The following ELF5 variants were observed in gnomAD, a reference collection of about 807,000 sequenced individuals.
ELF5 encodes the protein E74 like ETS transcription factor 5, also known as ETS-related transcription factor Elf-5.
A neutral mutation model predicts 38.2 loss-of-function variants in ELF5; 31 were observed. That is an observed-to-expected ratio of 0.81 (90% CI 0.61 to 1.10). ELF5 has a LOEUF of 1.10. ELF5 is among the 50% of genes least tolerant of loss of function. The pLI, the probability that ELF5 is intolerant of heterozygous loss-of-function variation, is 0.00. For synonymous variants in ELF5, 121 were observed against 112.5 expected, an observed-to-expected ratio of 1.08 and a Z score of -0.48; for missense variants, 300 against 306.6, an observed-to-expected ratio of 0.98 and a Z score of 0.16.
intron 2 of ELF5, among the ~76,000 whole-genome samples, chr11:34,497,838 C>T (rs998819603): frequency 6.6e-6 from 1 of 152,212 alleles, no homozygotes; most frequent in Non-Finnish European, 1.5e-5. Context: ...TCACTCCTGG[C>T]CATCACTTTG....
chr11:34,508,941 G>C (rs896804753), intron 1 of ELF5, among the ~76,000 whole-genome samples: 3 of 152,162 alleles, frequency 2.0e-5, no homozygotes, highest in African/African-American at 7.2e-5. Flanking sequence ...TCAAACCTCA[G>C]TACTAAGAGG....
In ELF5 at chr11:34,482,493, T is replaced by A. The variant is rs1856965032; in HGVS notation, c.413A>T (p.Asp138Val). Reference sequence around the variant, plus strand: ...GCCACTTGTTTTCAAGCAGTTGGAATCAGCATCTGAAATAGAATAATTTAT... The same window carrying A: ...GCCACTTGTTTTCAAGCAGTTGGAAACAGCATCTGAAATAGAATAATTTAT... The part of the protein sequence containing the change: ...ESKATIKDYA[D>V]SNCLKTSGIK... Residue 138 changes from aspartate (D) to valine (V), a missense_variant, in exon 5 of 7, where the codon GAT becomes GTT. Physicochemically the swap from Asp to Val is radical, Grantham distance 152 (BLOSUM62 -3). Transcript: ENST00000257832. 1 of 1,612,648 alleles carries A rather than the reference T, an allele frequency of 6.2e-7. No individual in the cohort carries two copies. Among genetic ancestry groups the A allele is most frequent in the Admixed American group, 1.7e-5 (1 of 59,778 alleles).
intron 2 of ELF5, 118 bp from the exon 3 acceptor site, chr11:34,493,830 C>T: frequency 1.2e-6 from 1 of 849,150 alleles, no homozygotes; most frequent in Non-Finnish European, 1.8e-6. Flanking sequence ...GTTGAAAGGG[C>T]CTCCAGCCCT....
intron 4 of ELF5, among the ~76,000 whole-genome samples, chr11:34,488,654 C>T (rs1161931668): frequency 6.6e-6 from 1 of 152,226 alleles, no homozygotes; most frequent in African/African-American, 2.4e-5. Flanking sequence ...TTCAAAAGAA[C>T]TTACTGGACA....
intron 3 of ELF5, chr11:34,491,816 T>A (rs1479109066): frequency 6.6e-6 from 1 of 152,210 alleles, no homozygotes; most frequent in Non-Finnish European, 1.5e-5. Flanking sequence ...CCTTAGATGA[T>A]CTGCCTGCCT....
chr11:34,486,144 C>T (rs963224370), intron 4 of ELF5, among the ~76,000 whole-genome samples: 2 of 152,110 alleles, frequency 1.3e-5, no homozygotes, highest in Non-Finnish European at 1.5e-5. Flanking sequence ...ACAAGTTTAT[C>T]GTATCCCCAT....
intron 4 of ELF5, among the ~76,000 whole-genome samples, chr11:34,484,986 G>T (rs1849948078): frequency 6.6e-6 from 1 of 152,100 alleles, no homozygotes; most frequent in African/African-American, 2.4e-5. Flanking sequence ...GAGTTCCTTG[G>T]TATCACAACA....
intron 4 of ELF5, among the ~76,000 whole-genome samples, chr11:34,483,231 C>T (rs1856980754): frequency 6.6e-6 from 1 of 152,030 alleles, no homozygotes; most frequent in Non-Finnish European, 1.5e-5. Flanking sequence ...TTCAAAATCA[C>T]CTTCCAGTGA....
intron 2 of ELF5, among the ~76,000 whole-genome samples, chr11:34,495,939 T>G (rs1418865312): frequency 6.6e-6 from 1 of 152,256 alleles, no homozygotes; most frequent in African/African-American, 2.4e-5. Flanking sequence ...GAGAGATGTT[T>G]ATGAGCCTTG....
chr11:34,486,981 C>T (rs532745199), intron 4 of ELF5, among the ~76,000 whole-genome samples: 2 of 152,312 alleles, frequency 1.3e-5, no homozygotes, highest in South Asian at 2.1e-4. Context: ...CAGGAAACAT[C>T]ACCTGAGCCA....
intron 4 of ELF5, among the ~76,000 whole-genome samples, chr11:34,483,708 ATAT>A (rs1856994225): frequency 6.6e-6 from 1 of 151,922 alleles, no homozygotes; most frequent in Non-Finnish European, 1.5e-5. Context: ...GTACCATGCT[ATAT>A]TAACTATGCT....
At chr11:34,506,041 T>C (rs1850607387) in intron 1 of ELF5, among the ~76,000 whole-genome samples, 1 of 152,220 alleles carries the variant, frequency 6.6e-6, no homozygotes, top group Non-Finnish European at 1.5e-5. Flanking sequence ...ATGGAGGCTC[T>C]GATTATGCAA....
intron 3 of ELF5, 34 bp downstream of exon 3, chr11:34,493,445 C>T (rs754444171): frequency 1.9e-6 from 3 of 1,593,946 alleles, no homozygotes; most frequent in South Asian, 1.1e-5. Flanking sequence ...AATCCTGGTC[C>T]CTCCCCTGGA....
chr11:34,493,833 C>T, intron 2 of ELF5, 121 bp from the exon 3 acceptor site: 2 of 829,842 alleles, frequency 2.4e-6, no homozygotes, highest in Non-Finnish European at 3.8e-6. Flanking sequence ...GAAAGGGCCT[C>T]CAGCCCTGGG....
At chr11:34,501,215 G>A (rs1324583823) in intron 2 of ELF5, among the ~76,000 whole-genome samples, 4 of 152,152 alleles carry the variant, frequency 2.6e-5, no homozygotes, top group Non-Finnish European at 5.9e-5. Context: ...CTTAGGGATG[G>A]AGGTGGACAG....
intron 2 of ELF5, among the ~76,000 whole-genome samples, chr11:34,500,698 C>T (rs1243039487): frequency 6.6e-6 from 1 of 152,346 alleles, no homozygotes; most frequent in Non-Finnish European, 1.5e-5. Context: ...ACAGGGCTCA[C>T]CTCAGACTTT....
intron 1 of ELF5, among the ~76,000 whole-genome samples, chr11:34,506,332 C>T (rs755914235): frequency 2.0e-5 from 3 of 151,968 alleles, no homozygotes; most frequent in Non-Finnish European, 4.4e-5. Context: ...CTGGGGACTA[C>T]CAGAGGGAGG....
intron 2 of ELF5, among the ~76,000 whole-genome samples, chr11:34,498,142 T>C (rs1305110216): frequency 6.6e-6 from 1 of 152,206 alleles, no homozygotes; most frequent in East Asian, 1.9e-4. Context: ...TCCTGCCTCC[T>C]TGGACTCGTC....
At chr11:34,490,562 T>C (rs17269903) in intron 3 of ELF5, among the ~76,000 whole-genome samples, 51,952 of 152,134 alleles carry the variant, frequency 0.34, 10,012 homozygotes, top group Non-Finnish European at 0.42. Context: ...GTGGGGAGAA[T>C]GGGCATAGGA....
Sources: gnomAD v4.1 joint callset for allele counts (sites outside exome capture counted in the v4.1 genomes callset) on GRCh38, gnomAD v4.1.1 for gene constraint, MANE v1.5 for transcripts, NCBI Gene and HGNC (gene_info 2026-07-23, HGNC 2026-07-21) for gene names.